The following RNF31 variants were observed in gnomAD, a reference collection of about 807,000 sequenced individuals.
RNF31 encodes ring finger protein 31.
Under a neutral mutation model 133.6 loss-of-function variants are expected in RNF31, and 38 were observed. That is an observed-to-expected ratio of 0.28 (90% CI 0.22 to 0.37). RNF31 has a LOEUF of 0.37. Among genes scored for constraint, RNF31 ranks in the 10% least tolerant of loss-of-function variants. RNF31 has a pLI of 1.00. For synonymous variants in RNF31, 582 were observed against 552.3 expected, an observed-to-expected ratio of 1.05 and a Z score of -0.75; for missense variants, 1,118 against 1,394.1, an observed-to-expected ratio of 0.80 and a Z score of 3.15.
At position 24,148,672 on chromosome 14, in the gene RNF31, C is replaced by A. The variant is rs898299604; in HGVS notation, c.526C>A (p.Gln176Lys). 1 of 1,614,032 alleles carries A rather than the reference C, an allele frequency of 6.2e-7. No homozygotes were observed. Among genetic ancestry groups the A allele is most frequent in the African/African-American group, 1.3e-5 (1 of 74,890 alleles). The change falls in exon 4 of 21, where the codon CAG (glutamine) becomes AAG (lysine). Residue 176 changes from glutamine to lysine, a missense_variant. Gln to Lys is a moderately conservative substitution (Grantham distance 53). Around this residue, in one of 3 missense-constraint regions of RNF31, gnomAD observed 747 missense variants for 827.9 expected, o/e 0.90. Transcript: ENST00000324103. Reference sequence around the variant, plus strand: ...TCATCCAAGACAGCAGGCACTGGAGCAGCTGTTGGAAGACAAGGTTGAAGA... The same window carrying A: ...TCATCCAAGACAGCAGGCACTGGAGAAGCTGTTGGAAGACAAGGTTGAAGA... ...NTHPRQQALEQLLEDKVEDDM... is the reference protein window; with the variant it reads ...NTHPRQQALEKLLEDKVEDDM...
Position 24,147,884 on chromosome 14 carries a change from T to C in RNF31, c.186T>C (p.His62=). ...CACGCCTTGTCCGCTGCAACGCTCA[T>C]GGGGAGGTGAGGCCCGGCCCCGCTT... The part of the protein sequence containing the change: ...DAARLVRCNA[H]GEPRNYLNTL... The change falls in exon 1 of 21, where the codon CAT becomes CAC. Residue 62 remains histidine (H), a synonymous_variant. Coordinates refer to ENST00000324103, the MANE Select transcript of RNF31 (RefSeq NM_017999.5). The C allele has an allele frequency of 4.3e-6, 7 of 1,611,936 alleles. No homozygotes were observed. The highest frequency in any genetic ancestry group is 5.9e-6 in the Non-Finnish European group (7 of 1,179,650).
At chr14:24,148,918 T>C (rs770955382) in intron 5 of RNF31, 42 bp downstream of exon 5, 2 of 1,521,596 alleles carry the variant, frequency 1.3e-6, no homozygotes, top group Admixed American at 1.7e-5. Flanking sequence ...GGAAGCTATA[T>C]TGATGGAAAT....
At chr14:24,157,837 C>A in intron 16 of RNF31, 61 bp from the exon 17 acceptor site, 1 of 1,427,982 alleles carries the variant, frequency 7.0e-7, no homozygotes, top group Non-Finnish European at 9.8e-7. Flanking sequence ...CGCAGGGGTT[C>A]CTGAGAGGCC....
In RNF31 at chr14:24,150,347, G is replaced by T; in HGVS notation, c.1096G>T (p.Ala366Ser). The change falls in exon 7 of 21, where the codon GCT becomes TCT. Residue 366 changes from alanine (A) to serine (S), a missense_variant. Ala to Ser is a moderately conservative substitution (Grantham distance 99). Transcript: ENST00000324103. ...GAGCTGTACCTTTGAGAATGAGGCAGCTGCTGTGCTATGTTCCATATGTGA... is the reference window on the plus strand; with the variant it reads ...GAGCTGTACCTTTGAGAATGAGGCATCTGCTGTGCTATGTTCCATATGTGA... ...CQSCTFENEA[A>S]AVLCSICERP... 2 of 1,614,194 alleles carry T rather than the reference G, an allele frequency of 1.2e-6. No individual in the cohort carries two copies. Among genetic ancestry groups the T allele is most frequent in the Non-Finnish European group, 8.5e-7 (1 of 1,180,040 alleles).
intron 3 of RNF31, 63 bp from the exon 4 acceptor site, chr14:24,148,579 C>T (rs1443461157): frequency 6.3e-7 from 1 of 1,591,196 alleles, no homozygotes; most frequent in African/African-American, 1.3e-5. Context: ...GGGACCAGGG[C>T]TTAGAGGGAG....
At chr14:24,150,983 A>G in intron 8 of RNF31, 95 bp downstream of exon 8, 9 of 1,501,176 alleles carry the variant, frequency 6.0e-6, no homozygotes, top group Non-Finnish European at 8.0e-6. Flanking sequence ...TGTTATTGTT[A>G]GCAGCAGCTG....
At position 24,160,167 on chromosome 14, in the gene RNF31, G is replaced by A. The variant is rs1378984550; in HGVS notation, c.2997-72G>A. On this transcript the variant is annotated intron_variant, in intron 19 of 20. Transcript: ENST00000324103. The surrounding 1 kb of genome is among the most constrained non-coding windows in gnomAD (Gnocchi z 4.0). ...ATCTTGTTCGTCCAGGTGTCTCAGA[G>A]TCCAGCTATGTTAGACACACTCAGT... 13 of 1,525,586 alleles carry A rather than the reference G, an allele frequency of 8.5e-6. No individual in the cohort carries two copies. The East Asian group carries it at 2.9e-4, about 35-fold the overall frequency. 94.5% of individuals were successfully genotyped at this position (1,525,586 alleles called of 1,614,324 possible). A position where few individuals can be genotyped will look rare whatever the true frequency, so the allele number is the denominator to read the frequency against.
chr14:24,148,645 A>G lies in RNF31; in HGVS notation c.499A>G (p.Thr167Ala), dbSNP rs764179859. ...GTTTTTATCTGTATTATTGCAGAAT[A>G]CTCATCCAAGACAGCAGGCACTGGA... Reference protein sequence around the residue: ...RTELSLLLQNTHPRQQALEQL... With the variant: ...RTELSLLLQNAHPRQQALEQL... Residue 167 changes from threonine (T) to alanine (A), a missense_variant, in exon 4 of 21, where the codon ACT becomes GCT. Around this residue, in one of 3 missense-constraint regions of RNF31, gnomAD observed 747 missense variants for 827.9 expected, o/e 0.90. Transcript: ENST00000324103. The G allele has an allele frequency of 3.7e-6, 6 of 1,614,162 alleles. No individual in the cohort carries two copies. The highest frequency in any genetic ancestry group is 5.1e-6 in the Non-Finnish European group (6 of 1,180,008).
In RNF31 at chr14:24,150,158, C is replaced by T. The variant is rs781026484; in HGVS notation, c.907C>T (p.Pro303Ser). The part of the protein sequence containing the change: ...SSPNPASAHL[P>S]WHCAACAMLN... ...CCCTAATCCTGCAAGTGCTCATTTG[C>T]CCTGGCACTGTGCTGCCTGTGCCAT... Residue 303 changes from proline (P) to serine (S), a missense_variant, in exon 7 of 21, where the codon CCC (proline) becomes TCC (serine). Coordinates refer to ENST00000324103, the MANE Select transcript of RNF31 (RefSeq NM_017999.5). 4 of 1,613,996 alleles carry T rather than the reference C, an allele frequency of 2.5e-6. No individual in the cohort carries two copies. Among genetic ancestry groups the T allele is most frequent in the Non-Finnish European group, 3.4e-6 (4 of 1,179,898 alleles).
At position 24,156,604 on chromosome 14, in the gene RNF31, C is replaced by G. The variant is rs533143059; in HGVS notation, c.2494-686C>G. Among the ~76,000 whole-genome samples the G allele has an allele frequency of 2.0e-5, 3 of 152,164 alleles. No homozygotes were observed. The East Asian group carries it at 5.9e-4, about 30-fold the overall frequency. ...AGACCAGCCTCCCAATATGGTGAAA[C>G]CCCGTCTCTACTAAAAATACAAAAA... On this transcript the variant is annotated intron_variant, in intron 14 of 20. Transcript: ENST00000324103.
Position 24,147,738 on chromosome 14 carries a change from C to A in RNF31, c.40C>A (p.Arg14Ser). 1 of 1,554,766 alleles carries A rather than the reference C, an allele frequency of 6.4e-7. No individual in the cohort carries two copies. Among genetic ancestry groups the A allele is most frequent in the East Asian group, 2.4e-5 (1 of 42,052 alleles). ...EEEERAFLVA[R>S]EELASALRRD... ...AGAGGAGCGGGCCTTCCTGGTGGCC[C>A]GCGAGGAGCTGGCGAGCGCCCTGAG... Residue 14 changes from arginine to serine, a missense_variant, in exon 1 of 21, where the codon CGC becomes AGC. By Grantham distance (110) the Arg-to-Ser change is moderately radical (BLOSUM62 -1). Transcript: ENST00000324103.
chr14:24,149,605 G>C (rs376067459), intron 6 of RNF31, 22 bp downstream of exon 6: 20 of 1,599,982 alleles, frequency 1.3e-5, no homozygotes, highest in Non-Finnish European at 1.6e-5. Context: ...TCTCTTCTGG[G>C]TGGGAGTGAA....
chr14:24,149,259 G>T (rs983505120), intron 5 of RNF31, 147 bp from the exon 6 acceptor site: 5 of 841,826 alleles, frequency 5.9e-6, no homozygotes, highest in Non-Finnish European at 9.0e-6. Context: ...CACCACGCCC[G>T]GCCTCTTTGT....
chr14:24,154,301 G>A (rs2038310866), intron 11 of RNF31, among the ~76,000 whole-genome samples: 1 of 152,212 alleles, frequency 6.6e-6, no homozygotes, highest in Non-Finnish European at 1.5e-5. Flanking sequence ...GGGATTACAG[G>A]CATGCGCCAC....
intron 6 of RNF31, 139 bp from the exon 7 acceptor site, chr14:24,149,922 T>C: frequency 9.8e-7 from 1 of 1,021,530 alleles, no homozygotes; most frequent in Non-Finnish European, 1.4e-6. Flanking sequence ...AAGCTATGGG[T>C]ATAGGAGTAT....
intron 18 of RNF31, 72 bp downstream of exon 18, chr14:24,158,271 G>T: frequency 6.9e-7 from 1 of 1,455,094 alleles, no homozygotes; most frequent in South Asian, 1.1e-5. Context: ...GGGTAAAGGG[G>T]AGGCTTGGGT....
At chr14:24,148,997 C>T (rs1358745381) in intron 5 of RNF31, 121 bp downstream of exon 5, 2 of 978,056 alleles carry the variant, frequency 2.0e-6, no homozygotes, top group Non-Finnish European at 3.2e-6. Flanking sequence ...GAGTTTTGCT[C>T]TTGTTGCCCA....
At position 24,148,363 on chromosome 14, in the gene RNF31, G is replaced by A. The variant is rs1353953045; in HGVS notation, c.445G>A (p.Val149Ile). ...EEPDEHQVAT[V>I]TLEVLLLRTE... ...GCCAGATGAGCACCAGGTTGCTACA[G>A]TCACACTGGAAGTACTGCTGCTTCG... The change falls in exon 3 of 21, where the codon GTC becomes ATC. Residue 149 changes from valine to isoleucine, a missense_variant. Val to Ile is a conservative substitution (Grantham distance 29, BLOSUM62 3). This residue lies in a region of RNF31 where 747 missense variants were observed against 827.9 expected (regional missense o/e 0.90). Coordinates refer to ENST00000324103, the MANE Select transcript of RNF31 (RefSeq NM_017999.5). 1 of 1,614,198 alleles carries A rather than the reference G, an allele frequency of 6.2e-7. No homozygotes were observed. The highest frequency in any genetic ancestry group is 1.1e-5 in the South Asian group (1 of 91,080).
chr14:24,149,113 G>A lies in RNF31; in HGVS notation c.631+237G>A, dbSNP rs148955427. On this transcript the variant is annotated intron_variant, in intron 5 of 20. Transcript: ENST00000324103. Reference sequence around the variant, plus strand: ...CGAGTAGCTGGGATTACAGGCATGCGCCACCGCGCTCGGCTAATTTTGTAT... The same window carrying A: ...CGAGTAGCTGGGATTACAGGCATGCACCACCGCGCTCGGCTAATTTTGTAT... 3.9e-5 allele frequency: 23 copies of A among 597,056 alleles called. No homozygotes were observed. In the East Asian group the frequency reaches 5.4e-4, roughly 14 times the overall value. 37.0% of individuals were successfully genotyped at this position (597,056 alleles called of 1,614,324 possible). A position where few individuals can be genotyped will look rare whatever the true frequency, so the allele number is the denominator to read the frequency against.
Sources: gnomAD v4.1 joint callset for allele counts (sites outside exome capture counted in the v4.1 genomes callset) on GRCh38, gnomAD v4.1.1 for gene constraint, gnomAD v4.1.1 regional missense constraint, Gnocchi (gnomAD v3.1) non-coding constraint, MANE v1.5 for transcripts, NCBI Gene and HGNC (gene_info 2026-07-23, HGNC 2026-07-21) for gene names.